The following SDK1 variants were observed in gnomAD, a reference collection of about 807,000 sequenced individuals.
SDK1 encodes the protein sidekick cell adhesion molecule 1, also known as protein sidekick-1.
Under a neutral mutation model 245.5 loss-of-function variants are expected in SDK1, and 157 were observed. The observed-to-expected ratio is 0.64, with a 90% CI of 0.56 to 0.73. The LOEUF (loss-of-function observed/expected upper bound fraction) is 0.73. Among genes scored for constraint, SDK1 ranks in the 30% least tolerant of loss-of-function variants. The pLI, the probability that SDK1 is intolerant of heterozygous loss-of-function variation, is 0.00. For synonymous variants in SDK1, 1,647 were observed against 1,278.5 expected (o/e 1.29, Z -6.15); for missense variants, 3,583 against 3,002.3 (o/e 1.19, Z -4.52).
At chr7:3,459,465 T>G (rs190551613) in intron 1 of SDK1, among the ~76,000 whole-genome samples, 12 of 152,332 alleles carry the variant, frequency 7.9e-5, no homozygotes, top group African/African-American at 2.9e-4. Context: ...GAACCCAGTT[T>G]CTGCCTGCCT....
intron 5 of SDK1, among the ~76,000 whole-genome samples, chr7:3,910,862 C>T (rs958278925): frequency 6.6e-6 from 1 of 152,284 alleles, no homozygotes; most frequent in East Asian, 1.9e-4. Flanking sequence ...TCCGGATAAT[C>T]GGCATTCTGT....
At chr7:3,333,961 C>G (rs1423348867) in intron 1 of SDK1, among the ~76,000 whole-genome samples, 2 of 152,176 alleles carry the variant, frequency 1.3e-5, no homozygotes, top group African/African-American at 4.8e-5. Flanking sequence ...CTGCTGGCCC[C>G]AGAACCACAC....
intron 4 of SDK1, among the ~76,000 whole-genome samples, chr7:3,677,796 A>G (rs1783954558): frequency 6.6e-6 from 1 of 152,224 alleles, no homozygotes; most frequent in Non-Finnish European, 1.5e-5. Flanking sequence ...GGAGGGATAG[A>G]CACATAGTTC....
At chr7:3,684,992 G>C (rs991571073) in intron 4 of SDK1, among the ~76,000 whole-genome samples, 2 of 152,138 alleles carry the variant, frequency 1.3e-5, no homozygotes, top group African/African-American at 4.8e-5. Flanking sequence ...AAAGGGACCT[G>C]TGGGACAAGA....
At chr7:3,581,255 CA>C (rs35166755) in intron 1 of SDK1, among the ~76,000 whole-genome samples, 33 of 151,586 alleles carry the variant, frequency 2.2e-4, no homozygotes, top group African/African-American at 7.5e-4. Flanking sequence ...CTTAAATTTA[CA>C]AAAAAAACCT....
intron 4 of SDK1, among the ~76,000 whole-genome samples, chr7:3,767,625 A>G (rs1023104707): frequency 1.8e-4 from 27 of 152,166 alleles, no homozygotes; most frequent in African/African-American, 5.8e-4. Flanking sequence ...TTTCAGAGCT[A>G]GGTAATATCC....
At chr7:3,686,529 C>T (rs773742526) in intron 4 of SDK1, among the ~76,000 whole-genome samples, 1 of 152,172 alleles carries the variant, frequency 6.6e-6, no homozygotes, top group East Asian at 1.9e-4. Flanking sequence ...CATACATTGC[C>T]AGTGATAATG....
chr7:3,558,445 C>G (rs1320644250), intron 1 of SDK1, among the ~76,000 whole-genome samples: 1 of 152,168 alleles, frequency 6.6e-6, no homozygotes, highest in Non-Finnish European at 1.5e-5. Context: ...TTCTGTATTC[C>G]AGGATTTGTT....
chr7:3,565,486 G>C (rs1013669184), intron 1 of SDK1, among the ~76,000 whole-genome samples: 3 of 152,080 alleles, frequency 2.0e-5, no homozygotes, highest in Admixed American at 1.3e-4. Flanking sequence ...TGGATCTAAA[G>C]GAATAGATAA....
In SDK1 at chr7:3,502,106, A is replaced by G. The variant is rs566016026; in HGVS notation, c.299-116974A>G. On this transcript the variant is annotated intron_variant, in intron 1 of 44. Transcript: ENST00000404826. The stretch of plus-strand genomic sequence containing the variant: ...TATTAGTGGGGTTTAGTCAGTCACT[A>G]TATTAGACAAACGTGTGAGTTAGAA... Among the ~76,000 whole-genome samples the G allele has an allele frequency of 2.1e-3, 317 of 152,216 alleles. 2 individuals are homozygous for G. The highest frequency in any genetic ancestry group is 7.2e-3 in the African/African-American group (301 of 41,552).
chr7:3,504,659 T>C (rs571006761), intron 1 of SDK1, among the ~76,000 whole-genome samples: 1 of 152,110 alleles, frequency 6.6e-6, no homozygotes, highest in Non-Finnish European at 1.5e-5. Context: ...AGAAATTAAC[T>C]CAAAGTGCAT....
At chr7:4,009,850 T>A (rs1427313222) in intron 14 of SDK1, among the ~76,000 whole-genome samples, 1 of 152,252 alleles carries the variant, frequency 6.6e-6, no homozygotes, top group African/African-American at 2.4e-5. Flanking sequence ...GCTTGGTGAT[T>A]GGTAAGGAGC....
At chr7:4,227,945 A>G (rs1785537408) in intron 40 of SDK1, among the ~76,000 whole-genome samples, 1 of 152,240 alleles carries the variant, frequency 6.6e-6, no homozygotes, top group South Asian at 2.1e-4. Flanking sequence ...GGAGACAAGC[A>G]TGGATGGATA....
intron 5 of SDK1, among the ~76,000 whole-genome samples, chr7:3,895,542 C>G (rs572603490): frequency 1.9e-4 from 29 of 152,320 alleles, no homozygotes; most frequent in African/African-American, 6.5e-4. Context: ...GTAGCCATCT[C>G]GTGACCACGA....
chr7:3,727,571 A>G (rs1315262544), intron 4 of SDK1, among the ~76,000 whole-genome samples: 3 of 151,342 alleles, frequency 2.0e-5, no homozygotes, highest in African/African-American at 7.3e-5. Flanking sequence ...GCTCATGGCA[A>G]CCTCCACCTC....
In SDK1 at chr7:4,267,301, C is replaced by T. The variant is rs1381330600; in HGVS notation, c.*1917C>T. 1.5e-6 allele frequency: 1 copy of T among 653,232 alleles called. No individual in the cohort carries two copies. Among genetic ancestry groups the T allele is most frequent in the Non-Finnish European group, 1.9e-6 (1 of 529,880 alleles). The allele number at this position is 653,232 out of a possible 1,614,324, so 40.5% of individuals were successfully genotyped here. A position where few individuals can be genotyped will look rare whatever the true frequency, so the allele number is the denominator to read the frequency against. ...TCCTCTCTTTCCTCCTTCCTTCCCT[C>T]CCTTCTTTCCCTCCCTCCCTTCCTC... is the stretch of plus-strand genomic sequence containing the variant. On this transcript the variant is annotated 3_prime_UTR_variant, in exon 45 of 45. Coordinates refer to ENST00000404826, the MANE Select transcript of SDK1 (RefSeq NM_152744.4).
At chr7:3,748,902 T>G (rs760300825) in intron 4 of SDK1, among the ~76,000 whole-genome samples, 2 of 152,206 alleles carry the variant, frequency 1.3e-5, no homozygotes, top group African/African-American at 2.4e-5. Context: ...CAGACAATTT[T>G]TTGTTGTTGT....
At chr7:4,005,039 CTTTTTTTTTTTT>C (rs1162979240) in intron 14 of SDK1, among the ~76,000 whole-genome samples, 2 of 90,994 alleles carry the variant, frequency 2.2e-5, no homozygotes, top group Non-Finnish European at 4.1e-5. Context: ...GTTCCTGCAC[CTTTTTTTTTTTT>C]TTTTTTTTTT....
chr7:4,215,561 G>C (rs970830275), intron 38 of SDK1, among the ~76,000 whole-genome samples: 1 of 152,226 alleles, frequency 6.6e-6, no homozygotes, highest in Admixed American at 6.5e-5. Context: ...GGGGCCACCT[G>C]GGCCAGCCAA....
Sources: allele counts gnomAD v4.1 joint callset (sites outside exome capture counted in the v4.1 genomes callset), GRCh38; gene constraint gnomAD v4.1.1; transcripts MANE v1.5; gene names NCBI Gene and HGNC (gene_info 2026-07-23, HGNC 2026-07-21).